Variants in ARHGAP18 observed in about 807,000 individuals in gnomAD.
The protein encoded by ARHGAP18 is rho GTPase-activating protein 18.
In ARHGAP18, 67 loss-of-function variants were observed where a neutral mutation model predicts 86.2. The observed-to-expected ratio is 0.78, with a 90% confidence interval of 0.64 to 0.95. The LOEUF (loss-of-function observed/expected upper bound fraction) is 0.95, where lower values mean the gene tolerates loss of function less well. Ranked by LOEUF, ARHGAP18 falls within the 40% of genes least tolerant of loss-of-function variation. The probability of loss-of-function intolerance (pLI) is 0.00; values close to 1 mark genes in which losing one functional copy is unlikely to be tolerated. For synonymous variants in ARHGAP18, 283 were observed against 280.4 expected (o/e 1.01, Z -0.09); for missense variants, 691 against 780.4 (o/e 0.89, Z 1.37).
intron 12 of ARHGAP18, among the ~76,000 whole-genome samples, chr6:129,585,423 C>T (rs1015778143): frequency 2.0e-5 from 3 of 152,164 alleles, no homozygotes; most frequent in African/African-American, 7.2e-5. Context: ...TGTAGGTACC[C>T]TAAAAGATTT....
chr6:129,680,770 C>A (rs2114536753), intron 1 of ARHGAP18, among the ~76,000 whole-genome samples: 1 of 152,340 alleles, frequency 6.6e-6, no homozygotes, highest in East Asian at 1.9e-4. Flanking sequence ...TTTTCCTTAA[C>A]TGAAAAAGGA....
At chr6:129,702,371 C>T (rs1313572074) in intron 1 of ARHGAP18, among the ~76,000 whole-genome samples, 1 of 152,206 alleles carries the variant, frequency 6.6e-6, no homozygotes, top group Non-Finnish European at 1.5e-5. Context: ...CATCCCCACT[C>T]TCCTCAAATA....
intron 1 of ARHGAP18, among the ~76,000 whole-genome samples, chr6:129,696,701 C>A (rs1005186507): frequency 6.1e-5 from 9 of 147,966 alleles, no homozygotes; most frequent in African/African-American, 1.2e-4. Context: ...TATAAAGTTA[C>A]CAACAAAGCA....
intron 1 of ARHGAP18, among the ~76,000 whole-genome samples, chr6:129,667,293 C>G (rs1462371187): frequency 6.6e-6 from 1 of 151,954 alleles, no homozygotes; most frequent in Non-Finnish European, 1.5e-5. Flanking sequence ...AGTGACATCT[C>G]TTAATACTTC....
chr6:129,599,359 A>G lies in ARHGAP18; in HGVS notation c.1573-3T>C. On this transcript the variant is annotated splice_region_variant and splice_polypyrimidine_tract_variant and intron_variant, in intron 11 of 14. Coordinates refer to ENST00000368149, the MANE Select transcript of ARHGAP18 (RefSeq NM_033515.3). ...TGGTTTACAATAAACTTGGGAATCT[A>G]TAGAGAAAAGGAATTAAGCTTAGAG... 1.3e-6 allele frequency: 2 copies of G among 1,536,560 alleles called. No homozygotes were observed. Among genetic ancestry groups the G allele is most frequent in the Non-Finnish European group, 1.7e-6 (2 of 1,148,644 alleles).
At chr6:129,624,316 G>A (rs946453578) in intron 5 of ARHGAP18, among the ~76,000 whole-genome samples, 1 of 150,462 alleles carries the variant, frequency 6.6e-6, no homozygotes, top group Admixed American at 6.6e-5. Flanking sequence ...GGATCACAAG[G>A]TCAGGAGTTC....
chr6:129,710,095 G>T lies in ARHGAP18; in HGVS notation c.42C>A (p.Ala14=). 1.2e-6 allele frequency: 2 copies of T among 1,614,094 alleles called. No homozygotes were observed. Among genetic ancestry groups the T allele is most frequent in the Non-Finnish European group, 1.7e-6 (2 of 1,179,966 alleles). Residue 14 remains alanine, a synonymous_variant, in exon 1 of 15, where the codon GCC becomes GCA. Coordinates refer to ENST00000368149, the MANE Select transcript of ARHGAP18 (RefSeq NM_033515.3). The part of the protein sequence containing the change: ...LSSSQGVVLT[A]YHPSGKDQTV... The stretch of plus-strand genomic sequence containing the variant: ...TCTGGTCCTTGCCGCTGGGGTGGTA[G>T]GCTGTTAGTACCACTCCCTGGGAAC...
In ARHGAP18 at chr6:129,658,702, T is replaced by C. The variant is rs746530441; in HGVS notation, c.114-16684A>G. ...TAACATCTGACATATGATAAAGTTC[T>C]TCAGTTTGGTGATTCAGTAAGAATC... On this transcript the variant is annotated intron_variant, in intron 1 of 14. Coordinates refer to ENST00000368149, the MANE Select transcript of ARHGAP18 (RefSeq NM_033515.3). Among the ~76,000 whole-genome samples the C allele has an allele frequency of 7.0e-4, 107 of 152,226 alleles. 1 individual carries two copies. Among genetic ancestry groups the C allele is most frequent in the Non-Finnish European group, 3.1e-4 (21 of 68,040 alleles).
At chr6:129,678,575 G>A (rs1774273555) in intron 1 of ARHGAP18, among the ~76,000 whole-genome samples, 1 of 152,178 alleles carries the variant, frequency 6.6e-6, no homozygotes, top group African/African-American at 2.4e-5. Context: ...TATCTTTGGT[G>A]TGATAATGGT....
chr6:129,598,158 T>C (rs1310443266), intron 12 of ARHGAP18, among the ~76,000 whole-genome samples: 1 of 151,004 alleles, frequency 6.6e-6, no homozygotes, highest in Non-Finnish European at 1.5e-5. Context: ...GTTAACCAAA[T>C]GCCAAAAAAA....
At chr6:129,708,858 G>A (rs1314737614) in intron 1 of ARHGAP18, among the ~76,000 whole-genome samples, 1 of 152,168 alleles carries the variant, frequency 6.6e-6, no homozygotes, top group Non-Finnish European at 1.5e-5. Flanking sequence ...TAAAATGATG[G>A]AAAATGAAAT....
chr6:129,684,717 T>A (rs1466165704), intron 1 of ARHGAP18, among the ~76,000 whole-genome samples: 1 of 152,198 alleles, frequency 6.6e-6, no homozygotes, highest in Admixed American at 6.5e-5. Context: ...ATCTGGTGAC[T>A]TTCACGTGTT....
Position 129,706,059 on chromosome 6 carries a change from G to A in ARHGAP18, c.113+3965C>T, listed in dbSNP as rs1404240745. ...AGGCATAAAAATATCTCACTCATCA[G>A]TCCATTCAGTTAGCTAAGGAATTAA... On this transcript the variant is annotated intron_variant, in intron 1 of 14. Transcript: ENST00000368149. 2.0e-5 allele frequency among the ~76,000 whole-genome samples: 3 copies of A among 152,182 alleles called. No homozygotes were observed. In the East Asian group the frequency reaches 5.8e-4, roughly 29 times the overall value.
At chr6:129,669,385 G>A (rs1355041971) in intron 1 of ARHGAP18, among the ~76,000 whole-genome samples, 1 of 151,838 alleles carries the variant, frequency 6.6e-6, no homozygotes, top group African/African-American at 2.4e-5. Context: ...TGTTAGCCAG[G>A]ATGGTCTCGA....
chr6:129,707,468 A>T (rs367599387), intron 1 of ARHGAP18, among the ~76,000 whole-genome samples: 5 of 151,570 alleles, frequency 3.3e-5, no homozygotes, highest in South Asian at 2.1e-4. Flanking sequence ...TTTATTTTTT[A>T]TTTATTTATT....
At chr6:129,675,910 G>A (rs77425376) in intron 1 of ARHGAP18, among the ~76,000 whole-genome samples, 2 of 152,210 alleles carry the variant, frequency 1.3e-5, no homozygotes, top group South Asian at 2.1e-4. Context: ...ATTCTTGTCC[G>A]CAATTGGAGG....
chr6:129,656,415 G>A (rs138559778), intron 1 of ARHGAP18, among the ~76,000 whole-genome samples: 3,264 of 152,210 alleles, frequency 0.021, 129 homozygotes, highest in African/African-American at 0.074. Flanking sequence ...AGGCCCAGGC[G>A]GTGGATCACG....
At chr6:129,647,236 T>C (rs945589218) in intron 1 of ARHGAP18, among the ~76,000 whole-genome samples, 1 of 152,152 alleles carries the variant, frequency 6.6e-6, no homozygotes, top group African/African-American at 2.4e-5. Context: ...TTTTGGCCAG[T>C]ATATTTGAAA....
intron 1 of ARHGAP18, among the ~76,000 whole-genome samples, chr6:129,673,328 G>T (rs1584106022): frequency 6.9e-6 from 1 of 144,296 alleles, no homozygotes. Context: ...TCTGCAGCTT[G>T]CTTCCCAGGA....
Sources: allele counts gnomAD v4.1 joint callset (sites outside exome capture counted in the v4.1 genomes callset), GRCh38; gene constraint gnomAD v4.1.1; transcripts MANE v1.5; gene names NCBI Gene and HGNC (gene_info 2026-07-23, HGNC 2026-07-21).